The following GNA14 variants were observed in gnomAD, a reference collection of about 807,000 sequenced individuals.
The protein encoded by GNA14 is guanine nucleotide-binding protein subunit alpha-14.
GNA14 carries 50 observed loss-of-function variants against 42.0 expected under a neutral mutation model. The ratio of observed to expected loss-of-function variants is 1.19; its 90% CI spans 0.95 to 1.51. The LOEUF (loss-of-function observed/expected upper bound fraction) is 1.51, where lower values mean the gene tolerates loss of function less well. GNA14 is among the 40% of genes most tolerant of loss of function. The probability of loss-of-function intolerance (pLI) is 0.00; values close to 1 mark genes in which losing one functional copy is unlikely to be tolerated. For missense variants in GNA14, 473 were observed against 446.2 expected (o/e 1.06, Z -0.54); for synonymous variants, 173 against 163.1 (o/e 1.06, Z -0.46).
chr9:77,431,250 G>C (rs1835546757), intron 4 of GNA14, 71 bp downstream of exon 4: 3 of 1,401,356 alleles, frequency 2.1e-6, no homozygotes, highest in Admixed American at 1.8e-5. Context: ...GGAATAACAC[G>C]TTTAAGAATC....
intron 1 of GNA14, among the ~76,000 whole-genome samples, chr9:77,599,878 A>C (rs573960786): frequency 2.6e-5 from 4 of 152,314 alleles, no homozygotes; most frequent in Admixed American, 2.0e-4. Context: ...TAAATTTTAA[A>C]ATCTAGCAAA....
At chr9:77,483,680 C>A (rs992948866) in intron 2 of GNA14, among the ~76,000 whole-genome samples, 1 of 152,188 alleles carries the variant, frequency 6.6e-6, no homozygotes, top group Admixed American at 6.5e-5. Context: ...GTGGAGCCTA[C>A]AGAGGCAGGC....
chr9:77,479,604 T>TACCTTGGGCAGTATGGCCATTTTCACG (rs1395314581), intron 2 of GNA14, among the ~76,000 whole-genome samples: 1 of 152,172 alleles, frequency 6.6e-6, no homozygotes, highest in Non-Finnish European at 1.5e-5. Flanking sequence ...ATCTATAAAT[T>TACCTTGGGCAGTATGGCCATTTTCACG]ACCTTGGGCA....
chr9:77,569,470 TG>T (rs1373829568), intron 1 of GNA14, among the ~76,000 whole-genome samples: 3 of 152,160 alleles, frequency 2.0e-5, no homozygotes, highest in Admixed American at 6.5e-5. Context: ...TACTATGTGT[TG>T]GGAACTGTGA....
chr9:77,426,828 A>T (rs998045757), intron 5 of GNA14, among the ~76,000 whole-genome samples: 2 of 152,214 alleles, frequency 1.3e-5, no homozygotes, highest in African/African-American at 4.8e-5. Flanking sequence ...AGAGGAAAGA[A>T]ACAAGAACTT....
chr9:77,510,753 G>A (rs541800417), intron 2 of GNA14, among the ~76,000 whole-genome samples: 46 of 152,240 alleles, frequency 3.0e-4, no homozygotes, highest in Admixed American at 5.2e-4. Context: ...GGCCCTTTTC[G>A]TATCAGGCCC....
At chr9:77,627,171 A>C (rs773487827) in intron 1 of GNA14, among the ~76,000 whole-genome samples, 1 of 152,196 alleles carries the variant, frequency 6.6e-6, no homozygotes, top group Non-Finnish European at 1.5e-5. Context: ...CACCCTCCCA[A>C]GACTAAACCA....
chr9:77,425,231 G>A (rs1402577602), intron 6 of GNA14, among the ~76,000 whole-genome samples: 1 of 152,158 alleles, frequency 6.6e-6, no homozygotes, highest in Admixed American at 6.5e-5. Flanking sequence ...GCAGAAAGGA[G>A]GAGGCACCCT....
intron 2 of GNA14, among the ~76,000 whole-genome samples, chr9:77,450,475 T>C (rs954131774): frequency 1.2e-4 from 18 of 152,158 alleles, no homozygotes; most frequent in East Asian, 3.9e-4. Context: ...GATTCCATAT[T>C]TGTGAATTCA....
chr9:77,538,852 A>G (rs1587822882), intron 1 of GNA14, among the ~76,000 whole-genome samples: 1 of 152,304 alleles, frequency 6.6e-6, no homozygotes, highest in Middle Eastern at 3.4e-3. Context: ...TTTCCTAGGT[A>G]TGAAATCATA....
At chr9:77,546,215 CAAAAA>C (rs764378681) in intron 1 of GNA14, among the ~76,000 whole-genome samples, 1 of 42,914 alleles carries the variant, frequency 2.3e-5, no homozygotes, top group African/African-American at 6.8e-5. Context: ...AGCTCCATCT[CAAAAA>C]AAAAAAAAAA....
intron 3 of GNA14, among the ~76,000 whole-genome samples, chr9:77,432,545 A>T (rs73454057): frequency 0.025 from 3,799 of 150,320 alleles, 48 homozygotes; most frequent in African/African-American, 0.039. Context: ...CACTCATCAC[A>T]TTGTCCAATC....
intron 1 of GNA14, among the ~76,000 whole-genome samples, chr9:77,562,053 CG>C (rs1822891490): frequency 6.6e-6 from 1 of 152,106 alleles, no homozygotes; most frequent in African/African-American, 2.4e-5. Flanking sequence ...GTTCACAATA[CG>C]GATTAAGAAA....
At chr9:77,484,101 A>C (rs189443035) in intron 2 of GNA14, among the ~76,000 whole-genome samples, 92 of 152,350 alleles carry the variant, frequency 6.0e-4, no homozygotes, top group African/African-American at 2.2e-3. Flanking sequence ...GTAAACACAG[A>C]ATCAGAAAGA....
chr9:77,442,123 G>A (rs1282195660), intron 2 of GNA14, among the ~76,000 whole-genome samples: 2 of 152,182 alleles, frequency 1.3e-5, no homozygotes, highest in East Asian at 3.8e-4. Context: ...TATAATCCCA[G>A]AAGTCTGCGA....
chr9:77,533,315 G>A (rs1837554847), intron 1 of GNA14, among the ~76,000 whole-genome samples: 1 of 152,150 alleles, frequency 6.6e-6, no homozygotes, highest in South Asian at 2.1e-4. Flanking sequence ...CAGTAGCTGG[G>A]ATTAGAGGCG....
chr9:77,568,987 C>T (rs1823016664), intron 1 of GNA14, among the ~76,000 whole-genome samples: 1 of 152,106 alleles, frequency 6.6e-6, no homozygotes, highest in Non-Finnish European at 1.5e-5. Context: ...AGGTGGATCT[C>T]CAAATCAGAC....
At chr9:77,609,228 G>A (rs150465930) in intron 1 of GNA14, among the ~76,000 whole-genome samples, 4 of 152,214 alleles carry the variant, frequency 2.6e-5, no homozygotes, top group Admixed American at 2.6e-4. Flanking sequence ...ATGCAATCTA[G>A]TGCTCTGTCA....
At chr9:77,466,581 G>A (rs530928142) in intron 2 of GNA14, among the ~76,000 whole-genome samples, 1 of 152,144 alleles carries the variant, frequency 6.6e-6, no homozygotes, top group African/African-American at 2.4e-5. Context: ...GTTTTTGTTT[G>A]CAAAGTTCAA....
Sources: gnomAD v4.1 joint callset for allele counts (sites outside exome capture counted in the v4.1 genomes callset) on GRCh38, gnomAD v4.1.1 for gene constraint, MANE v1.5 for transcripts, NCBI Gene and HGNC (gene_info 2026-07-23, HGNC 2026-07-21) for gene names.